GRID2: variants seen among roughly 807,000 people sequenced by gnomAD.
The protein encoded by GRID2 is glutamate ionotropic receptor delta type subunit 2.
GRID2 carries 33 observed loss-of-function variants against 114.8 expected under a neutral mutation model. That is an observed-to-expected ratio of 0.29 (90% CI 0.22 to 0.38). The LOEUF (loss-of-function observed/expected upper bound fraction) is 0.38, where lower values mean the gene tolerates loss of function less well. Ranked by LOEUF, GRID2 falls within the 10% of genes least tolerant of loss-of-function variation. The pLI is 1.00. For missense variants in GRID2, 1,184 were observed against 1,257.7 expected (o/e 0.94, Z 0.89); for synonymous variants, 505 against 449.9 (o/e 1.12, Z -1.55).
In GRID2 at chr4:92,916,695, A is replaced by AT. The variant is rs1426520288; in HGVS notation, c.245-168294dup. 5.3e-5 allele frequency among the ~76,000 whole-genome samples: 8 copies of AT among 152,134 alleles called. No homozygotes were observed. The East Asian group carries it at 1.4e-3, about 26-fold the overall frequency. The stretch of plus-strand genomic sequence containing the variant: ...TCCCTACAAAGGATATGAACTCGTC[A>AT]TTTTTTATAGCTGCATAGTATTCCA... On this transcript the variant is annotated intron_variant, in intron 2 of 15. Coordinates refer to ENST00000282020, the MANE Select transcript of GRID2 (RefSeq NM_001510.4).
chr4:92,515,094 T>C (rs976455317), intron 1 of GRID2, among the ~76,000 whole-genome samples: 1 of 151,958 alleles, frequency 6.6e-6, no homozygotes, highest in Non-Finnish European at 1.5e-5. Flanking sequence ...AGTCGATACA[T>C]ATAATGTTGT....
chr4:93,002,563 TA>T (rs1240139482), intron 2 of GRID2, among the ~76,000 whole-genome samples: 2 of 151,702 alleles, frequency 1.3e-5, no homozygotes, highest in Non-Finnish European at 2.9e-5. Context: ...CTGCAAAGAG[TA>T]AATTTGGTCA....
intron 2 of GRID2, among the ~76,000 whole-genome samples, chr4:92,847,202 T>C (rs1225090962): frequency 1.3e-5 from 2 of 152,048 alleles, no homozygotes; most frequent in African/African-American, 4.8e-5. Flanking sequence ...CTTCCTTTTC[T>C]AATTATGCTG....
chr4:92,542,607 T>C (rs1726026558), intron 1 of GRID2, among the ~76,000 whole-genome samples: 2 of 151,774 alleles, frequency 1.3e-5, no homozygotes, highest in African/African-American at 2.4e-5. Flanking sequence ...AAGAATGATA[T>C]AATGGACTCT....
chr4:92,893,786 C>T (rs1746965287), intron 2 of GRID2, among the ~76,000 whole-genome samples: 1 of 152,084 alleles, frequency 6.6e-6, no homozygotes, highest in Non-Finnish European at 1.5e-5. Flanking sequence ...GAAGTCAGAA[C>T]TTGAAAATGA....
chr4:93,249,139 C>G (rs1411988000), intron 8 of GRID2, among the ~76,000 whole-genome samples: 1 of 152,108 alleles, frequency 6.6e-6, no homozygotes, highest in Non-Finnish European at 1.5e-5. Flanking sequence ...ATCCTTTCAC[C>G]ATTGCTTGTT....
At chr4:93,273,174 A>C (rs958876117) in intron 8 of GRID2, among the ~76,000 whole-genome samples, 3 of 152,196 alleles carry the variant, frequency 2.0e-5, no homozygotes, top group African/African-American at 7.2e-5. Flanking sequence ...AGAAGGCAGG[A>C]TCTTTCTCTA....
intron 7 of GRID2, among the ~76,000 whole-genome samples, chr4:93,234,279 T>A (rs1158365062): frequency 6.6e-6 from 1 of 152,064 alleles, no homozygotes; most frequent in Non-Finnish European, 1.5e-5. Context: ...TGGAATAGAT[T>A]TAATTTAATT....
rs1560582029 is a variant in GRID2, at chr4:93,400,849, T to C, written c.1347+5141T>C. Among the ~76,000 whole-genome samples the C allele has an allele frequency of 5.3e-5, 8 of 152,180 alleles. No homozygotes were observed. In the South Asian group the frequency reaches 1.7e-3, roughly 32 times the overall value. ...TTAGAGAGTTTTTTTGTTGTTTGTT[T>C]TTATTGAGACAGGCTCTCACTCCTT... is the stretch of plus-strand genomic sequence containing the variant. On this transcript the variant is annotated intron_variant, in intron 9 of 15. Transcript: ENST00000282020.
intron 14 of GRID2, among the ~76,000 whole-genome samples, chr4:93,742,782 C>A (rs1395451444): frequency 1.3e-5 from 2 of 152,148 alleles, no homozygotes; most frequent in Non-Finnish European, 2.9e-5. Flanking sequence ...CATATCTCTC[C>A]TTCTCCTCTG....
chr4:93,799,833 A>G (rs1734889537), intron 1 of GRID2, among the ~76,000 whole-genome samples: 1 of 152,238 alleles, frequency 6.6e-6, no homozygotes, highest in African/African-American at 2.4e-5. Flanking sequence ...AAAGAAACAT[A>G]TTTGAATTAA....
rs145854776 is a variant in GRID2 at position 92,889,266 on chromosome 4, G to A, written c.245-195729G>A. ...TATAAAGAAGCAGAAGTTCTGGCCA[G>A]GGCAATCAGGCAAGAGAAAGAAATA... On this transcript the variant is annotated intron_variant, in intron 2 of 15. Transcript: ENST00000282020. Among the ~76,000 whole-genome samples, 396 of 152,264 alleles carry A rather than the reference G, an allele frequency of 2.6e-3. 4 individuals carry two copies. The highest frequency in any genetic ancestry group is 9.2e-3 in the African/African-American group (384 of 41,566).
chr4:93,786,412 C>A (rs1021052795), intron 1 of GRID2, among the ~76,000 whole-genome samples: 1 of 151,968 alleles, frequency 6.6e-6, no homozygotes, highest in Non-Finnish European at 1.5e-5. Flanking sequence ...CATTTAAATG[C>A]AAATATGAAG....
At chr4:93,742,795 C>T (rs953314654) in intron 14 of GRID2, among the ~76,000 whole-genome samples, 5 of 152,108 alleles carry the variant, frequency 3.3e-5, no homozygotes, top group African/African-American at 1.2e-4. Context: ...CTCCTCTGGC[C>T]CTCCTGTTTG....
intron 2 of GRID2, among the ~76,000 whole-genome samples, chr4:92,927,511 A>G (rs1749901018): frequency 6.6e-6 from 1 of 151,864 alleles, no homozygotes; most frequent in Admixed American, 6.6e-5. Flanking sequence ...TGCAATAACA[A>G]AAAAAGAGAA....
intron 1 of GRID2, among the ~76,000 whole-genome samples, chr4:92,338,635 C>G (rs976050106): frequency 1.3e-5 from 2 of 151,966 alleles, no homozygotes; most frequent in Admixed American, 6.6e-5. Flanking sequence ...ACATAGCTAT[C>G]TATCTAAAAC....
chr4:93,726,323 T>A (rs1260583822), intron 14 of GRID2, among the ~76,000 whole-genome samples: 2 of 152,232 alleles, frequency 1.3e-5, no homozygotes, highest in African/African-American at 4.8e-5. Flanking sequence ...CTGAGGGCTC[T>A]GTTCTGTTCC....
chr4:93,762,148 C>T (rs1217212954), intron 14 of GRID2, among the ~76,000 whole-genome samples: 1 of 151,586 alleles, frequency 6.6e-6, no homozygotes, highest in Non-Finnish European at 1.5e-5. Context: ...TTGTGAAAAC[C>T]CAGAAAATGA....
intron 2 of GRID2, among the ~76,000 whole-genome samples, chr4:92,834,870 C>A (rs982548552): frequency 2.0e-5 from 3 of 151,928 alleles, no homozygotes; most frequent in Admixed American, 6.6e-5. Flanking sequence ...GCAGAATGTT[C>A]TGGGAATGAG....
Sources: gnomAD v4.1 joint callset for allele counts (sites outside exome capture counted in the v4.1 genomes callset) on GRCh38, gnomAD v4.1.1 for gene constraint, MANE v1.5 for transcripts, NCBI Gene and HGNC (gene_info 2026-07-23, HGNC 2026-07-21) for gene names.